PLAC9: variants seen among roughly 807,000 people sequenced by gnomAD.
PLAC9 encodes the protein placenta associated 9, also known as placenta-specific protein 9.
In PLAC9, 12 loss-of-function variants were observed where a neutral mutation model predicts 11.5. That is an observed-to-expected ratio of 1.05 (90% CI 0.67 to 1.69). The LOEUF is 1.69. Ranked by LOEUF, PLAC9 falls within the 40% of genes most tolerant of loss-of-function variation. The pLI is 0.00. For synonymous variants in PLAC9, 62 were observed against 58.1 expected (o/e 1.07, Z -0.31); for missense variants, 132 against 130.5 (o/e 1.01, Z -0.06).
intron 2 of PLAC9, among the ~76,000 whole-genome samples, chr10:80,143,415 T>TTTTTTTTG (rs71034289): frequency 1.4e-5 from 1 of 70,210 alleles, no homozygotes; most frequent in African/African-American, 4.9e-5. Context: ...TTTTTTTTTT[T>TTTTTTTTG]GAGGCAGAGT....
intron 1 of PLAC9, among the ~76,000 whole-genome samples, chr10:80,136,813 C>T (rs924799131): frequency 1.3e-5 from 2 of 152,040 alleles, no homozygotes; most frequent in Non-Finnish European, 2.9e-5. Context: ...GAGCCCAGCT[C>T]GTCTAGCTAA....
rs1298789672 is a variant in PLAC9 at position 80,132,818 on chromosome 10, CTT to C, written c.58_59del (p.Leu20GlyfsTer20). 40 of 1,496,550 alleles carry C rather than the reference CTT, an allele frequency of 2.7e-5. No homozygotes were observed. The highest frequency in any genetic ancestry group is 3.4e-5 in the Non-Finnish European group (39 of 1,130,540). The allele number at this position is 1,496,550 out of a possible 1,614,324, so 92.7% of individuals were successfully genotyped here. On this transcript the variant is annotated frameshift_variant, in exon 1 of 4. Coordinates refer to ENST00000372263, the MANE Select transcript of PLAC9 (RefSeq NM_001012973.3). LOFTEE classifies it high-confidence loss of function. Reference sequence around the variant, plus strand: ...CTGGCCCTGCTCCGCGCCGCGGGCTCTTTGGCCGGTGAGTGGGGCGCAGGGCG... The same window carrying C: ...CTGGCCCTGCTCCGCGCCGCGGGCTCTGGCCGGTGAGTGGGGCGCAGGGCG...
chr10:80,140,443 C>CT (rs1466951456), intron 1 of PLAC9, among the ~76,000 whole-genome samples: 3 of 152,146 alleles, frequency 2.0e-5, no homozygotes, highest in African/African-American at 7.2e-5. Flanking sequence ...CAGTCCTTAT[C>CT]TTGCTAGACC....
intron 1 of PLAC9, among the ~76,000 whole-genome samples, chr10:80,136,751 G>A (rs1259903025): frequency 1.3e-5 from 2 of 151,682 alleles, no homozygotes; most frequent in Non-Finnish European, 2.9e-5. Flanking sequence ...GGCTTCAAGC[G>A]ATCCTCTTGC....
chr10:80,141,882 G>C (rs1845042986), intron 1 of PLAC9, among the ~76,000 whole-genome samples, 200 bp from the exon 2 acceptor site: 1 of 151,932 alleles, frequency 6.6e-6, no homozygotes, highest in Non-Finnish European at 1.5e-5. Flanking sequence ...AGTTCATCTG[G>C]GTCTGTAGGT....
intron 1 of PLAC9, among the ~76,000 whole-genome samples, chr10:80,137,401 G>A (rs1195581900): frequency 6.6e-6 from 1 of 152,222 alleles, no homozygotes; most frequent in African/African-American, 2.4e-5. Context: ...CCTTACACGG[G>A]AGAGTGGCTA....
intron 1 of PLAC9, among the ~76,000 whole-genome samples, chr10:80,135,159 A>T (rs983714352): frequency 6.6e-6 from 1 of 151,758 alleles, no homozygotes; most frequent in Middle Eastern, 3.4e-3. Context: ...AGCTGGGACT[A>T]CGGACGGCTG....
chr10:80,136,119 C>T (rs957184394), intron 1 of PLAC9, among the ~76,000 whole-genome samples: 4 of 152,186 alleles, frequency 2.6e-5, no homozygotes, highest in African/African-American at 9.7e-5. Context: ...ACCCAGGGGC[C>T]ACGTCTCTTT....
At chr10:80,132,881 G>T in intron 1 of PLAC9, 55 bp downstream of exon 1, 1 of 1,398,378 alleles carries the variant, frequency 7.2e-7, no homozygotes, top group Non-Finnish European at 9.4e-7. Context: ...ACCCGCAGAT[G>T]GCGAGGAAGG....
intron 1 of PLAC9, among the ~76,000 whole-genome samples, chr10:80,134,810 A>T (rs1389504137): frequency 1.3e-5 from 2 of 150,398 alleles, no homozygotes; most frequent in Admixed American, 6.8e-5. Context: ...AGATCTCTTT[A>T]AATATGTAAG....
chr10:80,132,886 G>T, intron 1 of PLAC9, 60 bp downstream of exon 1: 1 of 1,382,454 alleles, frequency 7.2e-7, no homozygotes, highest in Non-Finnish European at 9.5e-7. Flanking sequence ...CAGATGGCGA[G>T]GAAGGAATGA....
At chr10:80,134,456 G>T (rs925440163) in intron 1 of PLAC9, among the ~76,000 whole-genome samples, 3 of 151,924 alleles carry the variant, frequency 2.0e-5, no homozygotes, top group Admixed American at 6.6e-5. Context: ...TAGAGATAGG[G>T]TTTCACCATG....
upstream of PLAC9, among the ~76,000 whole-genome samples, chr10:80,132,144 G>A (rs956082937): frequency 2.6e-5 from 4 of 151,554 alleles, no homozygotes; most frequent in Non-Finnish European, 1.5e-5. Flanking sequence ...CTTTGCGAGA[G>A]TTACGATTTT....
intron 1 of PLAC9, among the ~76,000 whole-genome samples, chr10:80,136,030 C>T (rs1047147792): frequency 1.3e-5 from 2 of 152,168 alleles, no homozygotes; most frequent in Admixed American, 1.3e-4. Flanking sequence ...CCCTTTCTTA[C>T]TGTTTGGGTC....
chr10:80,142,569 C>T (rs2132338050), intron 2 of PLAC9, among the ~76,000 whole-genome samples: 1 of 152,316 alleles, frequency 6.6e-6, no homozygotes, highest in East Asian at 1.9e-4. Context: ...GTGGTATTAA[C>T]AGTACTATAA....
chr10:80,144,688 C>T (rs1845081120), intron 3 of PLAC9, among the ~76,000 whole-genome samples: 1 of 152,186 alleles, frequency 6.6e-6, no homozygotes, highest in Admixed American at 6.5e-5. Context: ...GCAGCCACTC[C>T]TGTTCCACCC....
intron 1 of PLAC9, among the ~76,000 whole-genome samples, chr10:80,135,473 G>T (rs866414916): frequency 6.6e-6 from 1 of 151,810 alleles, no homozygotes; most frequent in Non-Finnish European, 1.5e-5. Context: ...TTACAGGTGT[G>T]CACCACCACA....
At chr10:80,139,996 G>C (rs771184740) in intron 1 of PLAC9, among the ~76,000 whole-genome samples, 3 of 152,152 alleles carry the variant, frequency 2.0e-5, no homozygotes, top group Non-Finnish European at 4.4e-5. Flanking sequence ...ACTGCACAGA[G>C]TAAATAGAGG....
chr10:80,142,304 C>A, intron 2 of PLAC9, 125 bp downstream of exon 2: 2 of 719,966 alleles, frequency 2.8e-6, no homozygotes, highest in Non-Finnish European at 4.4e-6. Context: ...CTGTGGCCAC[C>A]TCGTCCAACA....
Sources: allele counts gnomAD v4.1 joint callset (sites outside exome capture counted in the v4.1 genomes callset), GRCh38; gene constraint gnomAD v4.1.1; transcripts MANE v1.5; gene names NCBI Gene and HGNC (gene_info 2026-07-23, HGNC 2026-07-21).